The following DNAH8 variants were observed in gnomAD, a reference collection of about 807,000 sequenced individuals.
DNAH8 encodes dynein axonemal heavy chain 8, also known as axonemal beta dynein heavy chain 8.
A neutral mutation model predicts 562.1 loss-of-function variants in DNAH8; 382 were observed. The observed-to-expected ratio is 0.68, with a 90% CI of 0.63 to 0.74. The LOEUF is 0.74. Ranked by LOEUF, DNAH8 falls within the 30% of genes least tolerant of loss-of-function variation. The pLI, the probability that DNAH8 is intolerant of heterozygous loss-of-function variation, is 0.00. For synonymous variants in DNAH8, 1,881 were observed against 1,919.4 expected (o/e 0.98, Z 0.52); for missense variants, 5,203 against 5,620.4 (o/e 0.93, Z 2.37).
chr6:38,922,412 G>A (rs925044967), intron 71 of DNAH8, among the ~76,000 whole-genome samples: 29 of 152,118 alleles, frequency 1.9e-4, no homozygotes, highest in African/African-American at 7.0e-4. Context: ...GTACCCCATC[G>A]CATACTATTT....
At chr6:38,822,760 GA>G (rs1772982173) in intron 26 of DNAH8, 77 bp from the exon 27 acceptor site, 1 of 1,097,938 alleles carries the variant, frequency 9.1e-7, no homozygotes, top group Admixed American at 3.5e-5. Context: ...GTTTGAAAAA[GA>G]ATCACAAATA....
At chr6:38,797,503 C>A (rs901733623) in intron 21 of DNAH8, among the ~76,000 whole-genome samples, 6 of 152,136 alleles carry the variant, frequency 3.9e-5, no homozygotes, top group African/African-American at 1.4e-4. Flanking sequence ...TGTCCTCTCT[C>A]CCTCTCTCCC....
rs139810428 is a variant in DNAH8 at position 39,030,126 on chromosome 6, C to T, written c.13858C>T (p.Leu4620Phe). The change falls in exon 93 of 93, where the codon CTC becomes TTC. Residue 4620 changes from leucine to phenylalanine, a missense_variant. Transcript: ENST00000327475. ...PPGEGVYIYGLYMDGAAWDRR... is the reference protein window; with the variant it reads ...PPGEGVYIYGFYMDGAAWDRR... ...CCAGGAAGGTGTGTATATTTATGGG[C>T]TCTACATGGATGGAGCAGCCTGGGA... 197 of 1,613,780 alleles carry T rather than the reference C, an allele frequency of 1.2e-4. No homozygotes were observed. Among genetic ancestry groups the T allele is most frequent in the Non-Finnish European group, 1.6e-4 (185 of 1,179,878 alleles).
chr6:38,735,931 A>G (rs1014290880), intron 5 of DNAH8, among the ~76,000 whole-genome samples: 2 of 152,096 alleles, frequency 1.3e-5, no homozygotes, highest in African/African-American at 2.4e-5. Flanking sequence ...TGAGCTCAGG[A>G]GTTCGAGACC....
Position 38,924,157 on chromosome 6 carries a change from C to T in DNAH8, c.10957C>T (p.Pro3653Ser). The change falls in exon 73 of 93, where the codon CCA becomes TCA. Residue 3653 changes from proline to serine, a missense_variant. Pro to Ser is a moderately conservative substitution (Grantham distance 74). Around this residue, in one of 6 missense-constraint regions of DNAH8, gnomAD observed 1,399 missense variants for 1,518.4 expected, o/e 0.92. Coordinates refer to ENST00000327475, the MANE Select transcript of DNAH8 (RefSeq NM_001206927.2). ...LNLISMLVDP[P>S]TIGEWGLQGL... ...TCTTATTTCAATGTTGGTGGATCCT[C>T]CAACTGTAAGTTTTACTTTCCCAAT... 1 of 1,613,048 alleles carries T rather than the reference C, an allele frequency of 6.2e-7. No individual in the cohort carries two copies. Among genetic ancestry groups the T allele is most frequent in the Non-Finnish European group, 8.5e-7 (1 of 1,179,446 alleles).
At chr6:38,799,649 A>G (rs1419270081) in intron 21 of DNAH8, among the ~76,000 whole-genome samples, 1 of 152,226 alleles carries the variant, frequency 6.6e-6, no homozygotes. Flanking sequence ...TTTAAAGTGT[A>G]CATCTCAATG....
At position 38,741,713 on chromosome 6, in the gene DNAH8, A is replaced by G. The variant is rs1340838766; in HGVS notation, c.1119A>G (p.Val373=). The change falls in exon 8 of 93, where the codon GTA becomes GTG. Residue 373 remains valine, a splice_region_variant and synonymous_variant. Coordinates refer to ENST00000327475, the MANE Select transcript of DNAH8 (RefSeq NM_001206927.2). ...TTTATAAATTTTTTTGACTGCAGGT[A>G]CTTATTGAGAGTGAGCAGATGAGAA... ...LMVWYKQIEQ[V]LIESEQMRKE... 2 of 1,601,662 alleles carry G rather than the reference A, an allele frequency of 1.2e-6. No individual in the cohort carries two copies. Among genetic ancestry groups the G allele is most frequent in the East Asian group, 4.5e-5 (2 of 44,770 alleles).
At chr6:38,814,590 A>AAC (rs1772081544) in intron 25 of DNAH8, among the ~76,000 whole-genome samples, 1 of 151,706 alleles carries the variant, frequency 6.6e-6, no homozygotes, top group Non-Finnish European at 1.5e-5. Context: ...AAAAAAAAAA[A>AAC]GTTACTTCTG....
intron 4 of DNAH8, among the ~76,000 whole-genome samples, chr6:38,734,152 T>C (rs1763884037): frequency 6.6e-6 from 1 of 151,566 alleles, no homozygotes; most frequent in Admixed American, 6.6e-5. Context: ...CTGGATGTGG[T>C]GGCACACGCA....
In DNAH8 at chr6:38,916,659, C is replaced by A. The variant is rs150779436; in HGVS notation, c.10141-580C>A. Among the ~76,000 whole-genome samples the A allele has an allele frequency of 2.1e-3, 315 of 152,230 alleles. 1 individual carries two copies. Among genetic ancestry groups the A allele is most frequent in the African/African-American group, 7.1e-3 (294 of 41,544 alleles). ...GTAACGTACAAAAGGAAGAGATCAC[C>A]GAACCGAAGGAGTCTTAGAACATGT... On this transcript the variant is annotated intron_variant, in intron 68 of 92. Transcript: ENST00000327475.
At position 38,973,717 on chromosome 6, in the gene DNAH8, A is replaced by G. The variant is rs1322638722; in HGVS notation, c.12582A>G (p.Leu4194=). The change falls in exon 84 of 93, where the codon TTA becomes TTG. Residue 4194 remains leucine (L), a synonymous_variant. Transcript: ENST00000327475. The stretch of plus-strand genomic sequence containing the variant: ...TTGGCCTGGAATTCATGGAAGAATT[A>G]CTAGAGACGCTAATTACCACTGAAG... ...CHLGLEFMEE[L]LETLITTEAS... 1.9e-6 allele frequency: 3 copies of G among 1,610,142 alleles called. No homozygotes were observed. The highest frequency in any genetic ancestry group is 1.1e-5 in the South Asian group (1 of 90,410).
chr6:38,722,865 C>A lies in DNAH8; in HGVS notation c.56C>A (p.Ser19Tyr), dbSNP rs1174472663. The A allele has an allele frequency of 1.2e-6, 2 of 1,611,760 alleles. No individual in the cohort carries two copies. Among genetic ancestry groups the A allele is most frequent in the African/African-American group, 2.7e-5 (2 of 74,918 alleles). ...APSEGAEAPP[S>Y]TEEAAPPRSE... ...TCTGAGGGAGCAGAGGCTCCTCCCT[C>A]TACGGAAGAGGCTGCCCCTCCCCGT... Residue 19 changes from serine (S) to tyrosine (Y), a missense_variant, in exon 2 of 93, where the codon TCT (serine) becomes TAT (tyrosine). Coordinates refer to ENST00000327475, the MANE Select transcript of DNAH8 (RefSeq NM_001206927.2).
intron 1 of DNAH8, among the ~76,000 whole-genome samples, chr6:38,717,568 A>AT (rs1174642795): frequency 2.0e-5 from 3 of 151,176 alleles, no homozygotes. Flanking sequence ...TGAGCTCAGG[A>AT]GTTTGTATGT....
intron 72 of DNAH8, 33 bp downstream of exon 72, chr6:38,923,218 T>C: frequency 6.2e-7 from 1 of 1,609,954 alleles, no homozygotes; most frequent in Non-Finnish European, 8.5e-7. Flanking sequence ...TAATCACTCT[T>C]TCTTTGTGAC....
At position 38,837,022 on chromosome 6, in the gene DNAH8, C is replaced by G. The variant is rs79142420; in HGVS notation, c.4366-920C>G. On this transcript the variant is annotated intron_variant, in intron 32 of 92. Transcript: ENST00000327475. ...CTTCCTTAGTGTTCACATAGTCCCACTCTTCATAGTGAAGAGTCCTATGGA... is the reference window on the plus strand; with the variant it reads ...CTTCCTTAGTGTTCACATAGTCCCAGTCTTCATAGTGAAGAGTCCTATGGA... Among the ~76,000 whole-genome samples, 1,559 of 152,236 alleles carry G rather than the reference C, an allele frequency of 0.01. 89 individuals carry two copies. The East Asian group carries it at 0.15, about 14-fold the overall frequency.
chr6:39,023,714 C>G (rs953600660), intron 91 of DNAH8, among the ~76,000 whole-genome samples: 2 of 152,100 alleles, frequency 1.3e-5, no homozygotes, highest in Admixed American at 1.3e-4. Flanking sequence ...GATTTGCTAC[C>G]CTTTGAGTGC....
intron 91 of DNAH8, among the ~76,000 whole-genome samples, chr6:39,024,656 G>C (rs1334010412): frequency 6.6e-6 from 1 of 152,102 alleles, no homozygotes; most frequent in Non-Finnish European, 1.5e-5. Flanking sequence ...GCAAGACCCT[G>C]TCTCTAAAAT....
In DNAH8 at chr6:38,800,676, C is replaced by A. The variant is rs113513460; in HGVS notation, c.2902-2503C>A. Among the ~76,000 whole-genome samples, 591 of 152,190 alleles carry A rather than the reference C, an allele frequency of 3.9e-3. 9 individuals carry two copies. The highest frequency in any genetic ancestry group is 0.014 in the African/African-American group (572 of 41,526). On this transcript the variant is annotated intron_variant, in intron 21 of 92. Coordinates refer to ENST00000327475, the MANE Select transcript of DNAH8 (RefSeq NM_001206927.2). The stretch of plus-strand genomic sequence containing the variant: ...GAATTACAGGTATGTGCCACCATGC[C>A]CGGTTAATGTTTGTATTTTTAGTAG...
chr6:39,019,880 C>T (rs892393933), intron 91 of DNAH8, among the ~76,000 whole-genome samples: 1 of 152,030 alleles, frequency 6.6e-6, no homozygotes, highest in Non-Finnish European at 1.5e-5. Flanking sequence ...GCAGAAATTC[C>T]CTTAAAGGGT....
Sources: allele counts gnomAD v4.1 joint callset (sites outside exome capture counted in the v4.1 genomes callset), GRCh38; gene constraint gnomAD v4.1.1; regional missense constraint gnomAD v4.1.1; transcripts MANE v1.5; gene names NCBI Gene and HGNC (gene_info 2026-07-23, HGNC 2026-07-21).